Variants in GRIA4 observed in about 807,000 individuals in gnomAD.
GRIA4 encodes glutamate receptor 4.
A neutral mutation model predicts 104.0 loss-of-function variants in GRIA4; 34 were observed. That is an observed-to-expected ratio of 0.33 (90% CI 0.25 to 0.44). GRIA4 has a LOEUF of 0.44. GRIA4 is among the 20% of genes least tolerant of loss of function. The pLI, the probability that GRIA4 is intolerant of heterozygous loss-of-function variation, is 1.00. For synonymous variants in GRIA4, 386 were observed against 381.9 expected (o/e 1.01, Z -0.13); for missense variants, 750 against 1,096.5 (o/e 0.68, Z 4.46).
chr11:105,896,446 A>C (rs1429343675), intron 6 of GRIA4, among the ~76,000 whole-genome samples: 1 of 151,890 alleles, frequency 6.6e-6, no homozygotes, highest in East Asian at 1.9e-4. Flanking sequence ...CCATGAGTCT[A>C]TTTTTGTTTT....
At chr11:105,942,751 C>T (rs1948213822) in intron 14 of GRIA4, among the ~76,000 whole-genome samples, 1 of 151,998 alleles carries the variant, frequency 6.6e-6, no homozygotes, top group Non-Finnish European at 1.5e-5. Context: ...TGAAAATATC[C>T]ACATAGAGTT....
At chr11:105,852,162 A>G (rs953933849) in intron 4 of GRIA4, among the ~76,000 whole-genome samples, 3 of 152,196 alleles carry the variant, frequency 2.0e-5, no homozygotes, top group Non-Finnish European at 2.9e-5. Context: ...AGTGATAAGT[A>G]AATGACTAAT....
intron 14 of GRIA4, among the ~76,000 whole-genome samples, chr11:105,935,439 A>C (rs1476794880): frequency 1.3e-5 from 2 of 152,204 alleles, no homozygotes; most frequent in African/African-American, 4.8e-5. Context: ...CAGAAACTTA[A>C]ACTGGCATCA....
chr11:105,784,300 A>T (rs1260832989), intron 4 of GRIA4, among the ~76,000 whole-genome samples: 2 of 152,224 alleles, frequency 1.3e-5, no homozygotes, highest in African/African-American at 2.4e-5. Context: ...TAGTGGCCTT[A>T]TAACCAGAAT....
intron 5 of GRIA4, among the ~76,000 whole-genome samples, chr11:105,876,952 A>C (rs1945850755): frequency 6.6e-6 from 1 of 152,198 alleles, no homozygotes; most frequent in Non-Finnish European, 1.5e-5. Flanking sequence ...TTGATCCATC[A>C]TTATGATGCT....
chr11:105,689,076 A>C (rs991360722), intron 3 of GRIA4, among the ~76,000 whole-genome samples: 1 of 152,226 alleles, frequency 6.6e-6, no homozygotes, highest in Non-Finnish European at 1.5e-5. Flanking sequence ...ATTTAGTCCT[A>C]AAAATGGCAT....
At chr11:105,625,519 C>T (rs1950865006) in intron 3 of GRIA4, among the ~76,000 whole-genome samples, 1 of 152,034 alleles carries the variant, frequency 6.6e-6, no homozygotes, top group African/African-American at 2.4e-5. Context: ...CCTTTAACAT[C>T]CAAATTTTGG....
chr11:105,912,704 C>G (rs904370237), intron 10 of GRIA4: 1 of 944,336 alleles, frequency 1.1e-6, no homozygotes, highest in Non-Finnish European at 1.3e-6. Flanking sequence ...ACTGCATAAT[C>G]GTTCAGTAAT....
At chr11:105,885,787 A>C (rs933397628) in intron 5 of GRIA4, among the ~76,000 whole-genome samples, 1 of 152,238 alleles carries the variant, frequency 6.6e-6, no homozygotes, top group South Asian at 2.1e-4. Flanking sequence ...TTGTATTTTG[A>C]ATTTACATCA....
Position 105,980,825 on chromosome 11 carries a change from C to A in GRIA4, c.*1086C>A, listed in dbSNP as rs1591510141. 6.6e-6 allele frequency: 1 copy of A among 152,608 alleles called. No homozygotes were observed. The highest frequency in any genetic ancestry group is 1.9e-4 in the East Asian group (1 of 5,194). 9.5% of individuals were successfully genotyped at this position (152,608 alleles called of 1,614,324 possible). ...CATAGTGGAAAATGTAGCTAGCCCT[C>A]ATTATTTTTTGCATACTAAGCTACC... On this transcript the variant is annotated 3_prime_UTR_variant, in exon 17 of 17. Transcript: ENST00000282499.
intron 3 of GRIA4, among the ~76,000 whole-genome samples, chr11:105,668,077 A>G (rs973376885): frequency 2.6e-5 from 4 of 151,342 alleles, no homozygotes; most frequent in African/African-American, 9.7e-5. Flanking sequence ...GCTTTGACAT[A>G]TAAGTGAGAT....
At position 105,901,851 on chromosome 11, in the gene GRIA4, T is replaced by G. The variant is rs572377282; in HGVS notation, c.886-1963T>G. On this transcript the variant is annotated intron_variant, in intron 7 of 16. Transcript: ENST00000282499. ...TGAAAAAGTGGCAATATTTTTCTTT[T>G]TTTCCTCCTTTGGTCCTCAAGTACT... is the stretch of plus-strand genomic sequence containing the variant. Among the ~76,000 whole-genome samples the G allele has an allele frequency of 6.6e-5, 10 of 152,366 alleles. No homozygotes were observed. In the East Asian group the frequency reaches 1.9e-3, roughly 29 times the overall value.
In GRIA4 at chr11:105,830,601, T is replaced by C. The variant is rs534920499; in HGVS notation, c.488-31423T>C. Among the ~76,000 whole-genome samples the C allele has an allele frequency of 4.6e-5, 7 of 152,182 alleles. No individual in the cohort carries two copies. The East Asian group carries it at 7.8e-4, about 17-fold the overall frequency. ...CTGGTCTTATACACAAGTGAGCAGATAGTAGGTGGTCTACTTATGAAATTT... is the reference window on the plus strand; with the variant it reads ...CTGGTCTTATACACAAGTGAGCAGACAGTAGGTGGTCTACTTATGAAATTT... On this transcript the variant is annotated intron_variant, in intron 4 of 16. Coordinates refer to ENST00000282499, the MANE Select transcript of GRIA4 (RefSeq NM_000829.4).
chr11:105,898,951 T>C (rs1351673803), intron 7 of GRIA4, among the ~76,000 whole-genome samples: 2 of 152,210 alleles, frequency 1.3e-5, no homozygotes, highest in African/African-American at 4.8e-5. Flanking sequence ...ATCATAAGCA[T>C]ATTTGATCAA....
chr11:105,695,245 T>A lies in GRIA4; in HGVS notation c.248-57736T>A, dbSNP rs528228233. ...GGCCTCTCAGGTTTGTTGGTTTTGA[T>A]CTATTTTGGTTTGTGTTTGAGAGGT... On this transcript the variant is annotated intron_variant, in intron 3 of 16. Transcript: ENST00000282499. Among the ~76,000 whole-genome samples, 82 of 152,288 alleles carry A rather than the reference T, an allele frequency of 5.4e-4. No homozygotes were observed. The Middle Eastern group carries it at 0.014, about 25-fold the overall frequency.
chr11:105,834,011 T>A (rs1310977393), intron 4 of GRIA4, among the ~76,000 whole-genome samples: 1 of 152,052 alleles, frequency 6.6e-6, no homozygotes, highest in Non-Finnish European at 1.5e-5. Flanking sequence ...ATTATTTGGA[T>A]TATGTCAAGA....
rs186949410 is a variant in GRIA4, at chr11:105,743,904, T to C, written c.248-9077T>C. ...TCTGCCTATTTATCTCCTAAATACT[T>C]CCCAAATCTGACCTCTACATTGTAT... On this transcript the variant is annotated intron_variant, in intron 3 of 16. Transcript: ENST00000282499. 3.1e-3 allele frequency among the ~76,000 whole-genome samples: 478 copies of C among 152,304 alleles called. 7 individuals are homozygous for C. The highest frequency in any genetic ancestry group is 4.1e-3 in the Non-Finnish European group (279 of 68,012).
At chr11:105,746,282 A>G (rs938482733) in intron 3 of GRIA4, among the ~76,000 whole-genome samples, 1 of 152,120 alleles carries the variant, frequency 6.6e-6, no homozygotes, top group Non-Finnish European at 1.5e-5. Flanking sequence ...GTGGTTTTTT[A>G]GTTTACTTGT....
At chr11:105,798,843 G>A (rs973706771) in intron 4 of GRIA4, among the ~76,000 whole-genome samples, 7 of 152,144 alleles carry the variant, frequency 4.6e-5, no homozygotes, top group Non-Finnish European at 7.4e-5. Context: ...TTGGTGGGAA[G>A]TCAGGTAGTG....
Sources: gnomAD v4.1 joint callset for allele counts (sites outside exome capture counted in the v4.1 genomes callset) on GRCh38, gnomAD v4.1.1 for gene constraint, MANE v1.5 for transcripts, NCBI Gene and HGNC (gene_info 2026-07-23, HGNC 2026-07-21) for gene names.